CNTNAP3: variants seen among roughly 807,000 people sequenced by gnomAD.
The protein encoded by CNTNAP3 is contactin-associated protein-like 3.
In CNTNAP3, 36 loss-of-function variants were observed where a neutral mutation model predicts 92.1. That is an observed-to-expected ratio of 0.39 (90% confidence interval 0.30 to 0.52). The LOEUF is 0.52. Among genes scored for constraint, CNTNAP3 ranks in the 20% least tolerant of loss-of-function variants. The probability of loss-of-function intolerance (pLI) is 0.76; values close to 1 mark genes in which losing one functional copy is unlikely to be tolerated. For synonymous variants in CNTNAP3, 232 were observed against 422.3 expected, an observed-to-expected ratio of 0.55 and a Z score of 5.53; for missense variants, 534 against 1,069.6, an observed-to-expected ratio of 0.50 and a Z score of 6.98.
Position 39,288,035 on chromosome 9 carries a change from C to A in CNTNAP3, c.30G>T (p.Lys10Asn), listed in dbSNP as rs774949253. 2 of 429,744 alleles carry A rather than the reference C, an allele frequency of 4.7e-6. No homozygotes were observed. Among genetic ancestry groups the A allele is most frequent in the Admixed American group, 5.6e-5 (1 of 18,018 alleles). 26.6% of individuals were successfully genotyped at this position (429,744 alleles called of 1,614,324 possible). A position where few individuals can be genotyped will look rare whatever the true frequency, so the allele number is the denominator to read the frequency against. Reference protein sequence around the residue: MASVAWAVLKVLLLLPTQTW... With the variant: MASVAWAVLNVLLLLPTQTW... Reference sequence around the variant, plus strand: ...TCTGAGTGGGGAGAAGCAGCAGCACCTTGAGGACGGCCCAGGCCACTGAAG... The same window carrying A: ...TCTGAGTGGGGAGAAGCAGCAGCACATTGAGGACGGCCCAGGCCACTGAAG... Residue 10 changes from lysine to asparagine, a missense_variant, in exon 1 of 24, where the codon AAG becomes AAT. Transcript: ENST00000297668.
At chr9:39,142,110 G>T (rs201040586) in intron 11 of CNTNAP3, among the ~76,000 whole-genome samples, 1 of 151,968 alleles carries the variant, frequency 6.6e-6, no homozygotes, top group East Asian at 1.9e-4. Context: ...AGAAGTTTTT[G>T]GAGTTATATT....
intron 14 of CNTNAP3, among the ~76,000 whole-genome samples, chr9:39,111,968 A>C (rs1826758188): frequency 6.6e-6 from 1 of 152,024 alleles, no homozygotes; most frequent in African/African-American, 2.4e-5. Flanking sequence ...GGAGATCAAA[A>C]TAGAATACTC....
chr9:39,118,173 T>C lies in CNTNAP3; in HGVS notation c.2167A>G (p.Thr723Ala), dbSNP rs199721374. ...ATGCAGTTCCCCTCTAATCCACAAGTACACTTTTGAGCATCAGGCAGAGAA... is the reference window on the plus strand; with the variant it reads ...ATGCAGTTCCCCTCTAATCCACAAGCACACTTTTGAGCATCAGGCAGAGAA... ...GGSLPDAQKC[T>A]CGLEGNCIDS... Residue 723 changes from threonine (T) to alanine (A), a missense_variant, in exon 14 of 24, where the codon ACT becomes GCT. By Grantham distance (58) the Thr-to-Ala change is moderately conservative (BLOSUM62 0). Coordinates refer to ENST00000297668, the MANE Select transcript of CNTNAP3 (RefSeq NM_033655.5). The C allele has an allele frequency of 1.3e-5, 21 of 1,611,570 alleles. No homozygotes were observed. In the East Asian group the frequency reaches 4.0e-4, roughly 31 times the overall value.
At chr9:39,103,347 C>T (rs143314728) in intron 16 of CNTNAP3, among the ~76,000 whole-genome samples, 6,221 of 152,070 alleles carry the variant, frequency 0.041, 381 homozygotes, top group African/African-American at 0.14. Flanking sequence ...TTTGGGAACC[C>T]GAGGCAGGCA....
chr9:39,098,079 C>T (rs1319024355), intron 18 of CNTNAP3, among the ~76,000 whole-genome samples: 1 of 147,250 alleles, frequency 6.8e-6, no homozygotes, highest in Non-Finnish European at 1.5e-5. Context: ...TGAAGACCAA[C>T]CCTCCTTCAA....
Position 39,132,806 on chromosome 9 carries a change from T to C in CNTNAP3, c.2080+126A>G, listed in dbSNP as rs909711286. 1.7e-4 allele frequency: 187 copies of C among 1,088,506 alleles called. No individual in the cohort carries two copies. The African/African-American group carries it at 1.9e-3, about 11-fold the overall frequency. 67.4% of individuals were successfully genotyped at this position (1,088,506 alleles called of 1,614,324 possible). A position where few individuals can be genotyped will look rare whatever the true frequency, so the allele number is the denominator to read the frequency against. ...CAAGAGCGGGAAGAGAAGGAGAGAG[T>C]GGTCAGGGCTTTGAACTAAGAGCCA... On this transcript the variant is annotated intron_variant, in intron 13 of 23. Transcript: ENST00000297668.
intron 9 of CNTNAP3, among the ~76,000 whole-genome samples, chr9:39,161,564 C>A: frequency 1.1e-5 from 1 of 93,142 alleles, no homozygotes. Flanking sequence ...GCCTATAATC[C>A]CAACACTTTG....
At position 39,168,253 on chromosome 9, in the gene CNTNAP3, G is replaced by A. The variant is rs182334936; in HGVS notation, c.1334-2177C>T. On this transcript the variant is annotated intron_variant, in intron 8 of 23. Transcript: ENST00000297668. ...AGGATGGTCTCAATCTCCTGACCTCGTGATCTGCATGCCTTGGCCTCCCAA... is the reference window on the plus strand; with the variant it reads ...AGGATGGTCTCAATCTCCTGACCTCATGATCTGCATGCCTTGGCCTCCCAA... 1.7e-4 allele frequency among the ~76,000 whole-genome samples: 25 copies of A among 149,902 alleles called. 1 individual carries two copies. Among genetic ancestry groups the A allele is most frequent in the East Asian group, 9.8e-4 (5 of 5,080 alleles).
chr9:39,148,201 T>A (rs567293150), intron 10 of CNTNAP3, among the ~76,000 whole-genome samples: 1 of 152,178 alleles, frequency 6.6e-6, no homozygotes, highest in South Asian at 2.1e-4. Flanking sequence ...AGAATTCAAA[T>A]CTCAAGGTCA....
At chr9:39,137,659 C>A (rs1436572836) in intron 12 of CNTNAP3, among the ~76,000 whole-genome samples, 1 of 151,784 alleles carries the variant, frequency 6.6e-6, no homozygotes. Context: ...ACTACAGGCA[C>A]CCGCCACTAT....
chr9:39,078,142 G>C (rs1050233648), intron 23 of CNTNAP3, among the ~76,000 whole-genome samples: 1 of 152,308 alleles, frequency 6.6e-6, no homozygotes, highest in African/African-American at 2.4e-5. Flanking sequence ...GGGAGGCAGA[G>C]GTTGCAGTGA....
At chr9:39,082,565 T>C (rs1275350099) in intron 21 of CNTNAP3, among the ~76,000 whole-genome samples, 1 of 152,398 alleles carries the variant, frequency 6.6e-6, no homozygotes, top group African/African-American at 2.4e-5. Context: ...TGGCTCTGAG[T>C]GTCTCCTCAT....
intron 14 of CNTNAP3, 46 bp downstream of exon 14, chr9:39,118,057 A>T (rs1820902410): frequency 6.3e-7 from 1 of 1,580,212 alleles, no homozygotes; most frequent in Non-Finnish European, 8.6e-7. Context: ...GCATAATTAA[A>T]GAATAAAAAC....
At position 39,103,875 on chromosome 9, in the gene CNTNAP3, G is replaced by T. The variant is rs762725603; in HGVS notation, c.2405C>A (p.Ser802Ter). Residue 802 changes from serine (S) to a stop codon, truncating the protein, a stop_gained, in exon 16 of 24, where the codon TCA becomes TAA. Coordinates refer to ENST00000297668, the MANE Select transcript of CNTNAP3 (RefSeq NM_033655.5). LOFTEE classifies it high-confidence loss of function. ...GTGGAAAGCAGGGAAATGAAGGTAT[G>T]AAGTCTCAGTGTTGAAGGAAGCTGA... is the stretch of plus-strand genomic sequence containing the variant. ...WNSASFNTET[S>*]YLHFPAFHGE... 1.2e-6 allele frequency: 2 copies of T among 1,611,014 alleles called. No individual in the cohort carries two copies. Among genetic ancestry groups the T allele is most frequent in the Admixed American group, 3.3e-5 (2 of 59,926 alleles).
intron 14 of CNTNAP3, among the ~76,000 whole-genome samples, chr9:39,115,253 C>G (rs1258108640): frequency 6.6e-6 from 1 of 150,584 alleles, no homozygotes; most frequent in Non-Finnish European, 1.5e-5. Flanking sequence ...CTTTCATTCC[C>G]AAATACTATT....
rs1401047419 is a variant in CNTNAP3, at chr9:39,228,509, C to CA, written c.390+10483dup. On this transcript the variant is annotated intron_variant, in intron 3 of 23. Coordinates refer to ENST00000297668, the MANE Select transcript of CNTNAP3 (RefSeq NM_033655.5). ...TATTTCTGATTATTAAATTAATTTC[C>CA]AAAAAAAAGTATTAAAAACTGTGAG... 1.3e-3 allele frequency among the ~76,000 whole-genome samples: 3 copies of CA among 2,364 alleles called. 1 individual carries two copies. The highest frequency in any genetic ancestry group is 0.024 in the Admixed American group (2 of 82). 1.6% of individuals were successfully genotyped at this position (2,364 alleles called of 152,430 possible). A position where few individuals can be genotyped will look rare whatever the true frequency, so the allele number is the denominator to read the frequency against.
intron 18 of CNTNAP3, among the ~76,000 whole-genome samples, chr9:39,099,494 T>C (rs573462324): frequency 7.9e-4 from 120 of 152,282 alleles, no homozygotes; most frequent in Non-Finnish European, 1.5e-3. Flanking sequence ...GGTAAGACGA[T>C]TGCTCAAGCC....
rs1384730622 is a variant in CNTNAP3, at chr9:39,068,152, C to T, written c.*5738G>A. On this transcript the variant is annotated 3_prime_UTR_variant, in exon 24 of 24. Coordinates refer to ENST00000297668, the MANE Select transcript of CNTNAP3 (RefSeq NM_033655.5). ...CAGTGGCTTACGCCTGTGATACCAGCGCTTTAGGAGGCTGAGGTGGGCAGA... is the reference window on the plus strand; with the variant it reads ...CAGTGGCTTACGCCTGTGATACCAGTGCTTTAGGAGGCTGAGGTGGGCAGA... Among the ~76,000 whole-genome samples the T allele has an allele frequency of 1.3e-5, 2 of 152,336 alleles. No individual in the cohort carries two copies. Among genetic ancestry groups the T allele is most frequent in the South Asian group, 2.1e-4 (1 of 4,834 alleles).
At chr9:39,103,482 T>C (rs1236690115) in intron 16 of CNTNAP3, among the ~76,000 whole-genome samples, 4 of 151,820 alleles carry the variant, frequency 2.6e-5, no homozygotes, top group Non-Finnish European at 5.9e-5. Context: ...CTCAGGAGAC[T>C]GAGGCAGGAG....
Sources: gnomAD v4.1 joint callset for allele counts (sites outside exome capture counted in the v4.1 genomes callset) on GRCh38, gnomAD v4.1.1 for gene constraint, MANE v1.5 for transcripts, NCBI Gene and HGNC (gene_info 2026-07-23, HGNC 2026-07-21) for gene names.